The following CSMD3 variants were observed in gnomAD, a reference collection of about 807,000 sequenced individuals.
CSMD3 encodes the protein CUB and Sushi multiple domains 3, also known as CUB and sushi domain-containing protein 3.
In CSMD3, 177 loss-of-function variants were observed where a neutral mutation model predicts 435.2. The ratio of observed to expected loss-of-function variants is 0.41; its 90% CI spans 0.36 to 0.46. CSMD3 has a LOEUF of 0.46. Ranked by LOEUF, CSMD3 falls within the 20% of genes least tolerant of loss-of-function variation. The probability of loss-of-function intolerance (pLI) is 0.34; values close to 1 mark genes in which losing one functional copy is unlikely to be tolerated. For synonymous variants in CSMD3, 1,656 were observed against 1,520.5 expected, an observed-to-expected ratio of 1.09 and a Z score of -2.07; for missense variants, 4,265 against 4,504.6, an observed-to-expected ratio of 0.95 and a Z score of 1.52.
intron 3 of CSMD3, among the ~76,000 whole-genome samples, chr8:113,185,303 A>C (rs970367653): frequency 6.6e-6 from 1 of 152,066 alleles, no homozygotes; most frequent in African/African-American, 2.4e-5. Context: ...CAAGTAAGGA[A>C]AGGAGAAAAA....
chr8:112,754,329 T>C (rs145490915), intron 13 of CSMD3, among the ~76,000 whole-genome samples: 59 of 152,260 alleles, frequency 3.9e-4, no homozygotes, highest in African/African-American at 1.3e-3. Context: ...TTTCGAAATA[T>C]ACAAATCTCA....
At chr8:112,271,485 G>T (rs1165091698) in intron 59 of CSMD3, among the ~76,000 whole-genome samples, 1 of 151,968 alleles carries the variant, frequency 6.6e-6, no homozygotes, top group Non-Finnish European at 1.5e-5. Flanking sequence ...TGAAGACAGA[G>T]AATAAAGCAA....
intron 1 of CSMD3, among the ~76,000 whole-genome samples, chr8:113,346,499 C>G (rs1415231576): frequency 6.6e-6 from 1 of 152,046 alleles, no homozygotes; most frequent in Non-Finnish European, 1.5e-5. Context: ...AACTAGCTGA[C>G]AAGTGCCAAG....
intron 10 of CSMD3, among the ~76,000 whole-genome samples, chr8:112,876,621 A>G (rs1274332358): frequency 6.6e-6 from 1 of 152,174 alleles, no homozygotes; most frequent in Admixed American, 6.5e-5. Context: ...GGCCTTCGAT[A>G]AAATTCAACA....
At chr8:112,824,225 C>T (rs1295715654) in intron 12 of CSMD3, among the ~76,000 whole-genome samples, 2 of 150,110 alleles carry the variant, frequency 1.3e-5, no homozygotes, top group African/African-American at 2.5e-5. Context: ...CTCCTGAATA[C>T]AGCACCCTGA....
chr8:112,251,376 A>G (rs1815246438), intron 63 of CSMD3, among the ~76,000 whole-genome samples: 2 of 151,798 alleles, frequency 1.3e-5, no homozygotes, highest in Admixed American at 1.3e-4. Context: ...AAGGTATAAC[A>G]GATGTGCTTC....
intron 10 of CSMD3, among the ~76,000 whole-genome samples, chr8:112,883,333 C>T (rs1400055832): frequency 6.6e-6 from 1 of 151,810 alleles, no homozygotes; most frequent in Non-Finnish European, 1.5e-5. Context: ...TTCATATATT[C>T]TTTTTGATGT....
At chr8:112,226,342 A>G (rs1812556338) in intron 70 of CSMD3, among the ~76,000 whole-genome samples, 1 of 152,160 alleles carries the variant, frequency 6.6e-6, no homozygotes, top group Non-Finnish European at 1.5e-5. Flanking sequence ...ATGAAGATAC[A>G]AAATAATTGC....
At chr8:112,742,353 A>T (rs2077332143) in intron 13 of CSMD3, among the ~76,000 whole-genome samples, 1 of 151,946 alleles carries the variant, frequency 6.6e-6, no homozygotes, top group African/African-American at 2.4e-5. Flanking sequence ...GAAAGAAAAA[A>T]TCTTTGATAG....
At chr8:112,886,918 T>A (rs1052808223) in intron 10 of CSMD3, among the ~76,000 whole-genome samples, 5 of 151,638 alleles carry the variant, frequency 3.3e-5, no homozygotes, top group African/African-American at 7.3e-5. Flanking sequence ...ATTACATATT[T>A]TTTTTCCTGA....
At chr8:112,522,409 T>A (rs1056751205) in intron 27 of CSMD3, among the ~76,000 whole-genome samples, 1 of 151,896 alleles carries the variant, frequency 6.6e-6, no homozygotes, top group African/African-American at 2.4e-5. Flanking sequence ...CCATCAATCT[T>A]CTTCACTGAT....
chr8:112,459,005 C>T (rs985463911), intron 32 of CSMD3, among the ~76,000 whole-genome samples: 1 of 152,002 alleles, frequency 6.6e-6, no homozygotes, highest in Non-Finnish European at 1.5e-5. Flanking sequence ...CTTCTACAAA[C>T]AATGAATGCT....
intron 13 of CSMD3, among the ~76,000 whole-genome samples, chr8:112,703,816 A>G (rs987874010): frequency 6.6e-6 from 1 of 152,146 alleles, no homozygotes; most frequent in African/African-American, 2.4e-5. Flanking sequence ...CATCTCAGAC[A>G]AACGAGACTA....
At chr8:112,821,926 T>G (rs913064720) in intron 12 of CSMD3, among the ~76,000 whole-genome samples, 32 of 152,162 alleles carry the variant, frequency 2.1e-4, no homozygotes, top group Admixed American at 7.9e-4. Flanking sequence ...CCATTGCTTG[T>G]TTTTGTTAGG....
chr8:112,700,511 CA>C (rs1428453573), intron 13 of CSMD3, among the ~76,000 whole-genome samples: 1 of 152,042 alleles, frequency 6.6e-6, no homozygotes, highest in Non-Finnish European at 1.5e-5. Context: ...CAAAAACAAA[CA>C]AACAAAAGCA....
At chr8:112,890,143 T>C (rs1359081375) in intron 10 of CSMD3, among the ~76,000 whole-genome samples, 3 of 151,696 alleles carry the variant, frequency 2.0e-5, no homozygotes, top group Non-Finnish European at 1.5e-5. Flanking sequence ...ATTTTCCCAT[T>C]AAAATTCAAC....
chr8:113,214,154 A>G (rs2092872731), intron 3 of CSMD3, among the ~76,000 whole-genome samples: 2 of 151,982 alleles, frequency 1.3e-5, no homozygotes, highest in South Asian at 4.1e-4. Context: ...TCCACTTCCT[A>G]CTATTCTTGG....
intron 23 of CSMD3, among the ~76,000 whole-genome samples, chr8:112,586,643 A>G (rs1238466181): frequency 6.6e-6 from 1 of 151,016 alleles, no homozygotes; most frequent in African/African-American, 2.4e-5. Flanking sequence ...ACAAAAATAA[A>G]TAAGTTACAT....
At chr8:113,121,834 T>C (rs2090995134) in intron 4 of CSMD3, among the ~76,000 whole-genome samples, 1 of 152,126 alleles carries the variant, frequency 6.6e-6, no homozygotes. Flanking sequence ...AAAGTATGAA[T>C]ACTTTAAAAT....
Sources: allele counts gnomAD v4.1 joint callset (sites outside exome capture counted in the v4.1 genomes callset), GRCh38; gene constraint gnomAD v4.1.1; transcripts MANE v1.5; gene names NCBI Gene and HGNC (gene_info 2026-07-23, HGNC 2026-07-21).